RETREG1: variants seen among roughly 807,000 people sequenced by gnomAD.
The protein encoded by RETREG1 is reticulophagy regulator 1, also known as family with sequence similarity 134 member B.
RETREG1 carries 44 observed loss-of-function variants against 54.8 expected under a neutral mutation model. That is an observed-to-expected ratio of 0.80 (90% CI 0.63 to 1.03). RETREG1 has a LOEUF of 1.03. Among genes scored for constraint, RETREG1 ranks in the 50% least tolerant of loss-of-function variants. The probability of loss-of-function intolerance (pLI) is 0.00; values close to 1 mark genes in which losing one functional copy is unlikely to be tolerated. For missense variants in RETREG1, 554 were observed against 605.1 expected (o/e 0.92, Z 0.89); for synonymous variants, 217 against 238.5 (o/e 0.91, Z 0.83).
At chr5:16,535,823 C>G (rs7709007) in intron 3 of RETREG1, among the ~76,000 whole-genome samples, 2 of 130,528 alleles carry the variant, frequency 1.5e-5, no homozygotes, top group Admixed American at 7.7e-5. Context: ...GCTGCCTTCA[C>G]GAAGTGGGAG....
chr5:16,527,209 G>A (rs1740742082), intron 3 of RETREG1, among the ~76,000 whole-genome samples: 1 of 152,190 alleles, frequency 6.6e-6, no homozygotes, highest in South Asian at 2.1e-4. Context: ...AAGTCACTTG[G>A]CCAAAATCAC....
At chr5:16,589,192 G>C (rs905212271) in intron 1 of RETREG1, among the ~76,000 whole-genome samples, 1 of 152,164 alleles carries the variant, frequency 6.6e-6, no homozygotes, top group African/African-American at 2.4e-5. Context: ...GATGCGGACT[G>C]TTGTCCCAGT....
In RETREG1 at chr5:16,593,427, T is replaced by A. The variant is rs1282141577; in HGVS notation, c.321-21325A>T. On this transcript the variant is annotated intron_variant, in intron 1 of 8. Transcript: ENST00000306320. This position sits in a 1 kb window ranked among gnomAD's most constrained non-coding sequence, Gnocchi z 4.9. The stretch of plus-strand genomic sequence containing the variant: ...CCAATCACAGGCACTCAATAAATAC[T>A]TTTTTGTTTGCTGTTGCTCATTCAG... Among the ~76,000 whole-genome samples the A allele has an allele frequency of 6.6e-6, 1 of 152,190 alleles. No individual in the cohort carries two copies. Among genetic ancestry groups the A allele is most frequent in the Non-Finnish European group, 1.5e-5 (1 of 68,026 alleles).
At position 16,480,705 on chromosome 5, in the gene RETREG1, C is replaced by T. The variant is rs189619262; in HGVS notation, c.670+304G>A. Among the ~76,000 whole-genome samples the T allele has an allele frequency of 7.6e-4, 116 of 152,146 alleles. 1 individual carries two copies. The highest frequency in any genetic ancestry group is 2.6e-3 in the African/African-American group (106 of 41,522). The stretch of plus-strand genomic sequence containing the variant: ...ATTTTTTTGAGCCAAAGAACACGCA[C>T]GAAGGCAAAGGTGTTGGTGTGTTTT... On this transcript the variant is annotated intron_variant, in intron 5 of 8. Transcript: ENST00000306320.
At chr5:16,563,806 CT>C (rs1448402103) in intron 3 of RETREG1, among the ~76,000 whole-genome samples, 1 of 151,808 alleles carries the variant, frequency 6.6e-6, no homozygotes, top group African/African-American at 2.4e-5. Flanking sequence ...AAATATAAAT[CT>C]TTTTTTTCCA....
At chr5:16,577,965 G>A (rs780689296) in intron 1 of RETREG1, among the ~76,000 whole-genome samples, 6 of 152,124 alleles carry the variant, frequency 3.9e-5, no homozygotes, top group Admixed American at 1.3e-4. Flanking sequence ...ACCGAGTGTC[G>A]AGTATGTCTT....
intron 3 of RETREG1, among the ~76,000 whole-genome samples, chr5:16,538,004 T>C (rs1305612219): frequency 6.6e-6 from 1 of 152,132 alleles, no homozygotes; most frequent in Non-Finnish European, 1.5e-5. Flanking sequence ...TCAGCTTAGC[T>C]CAGTCCCTTC....
Position 16,573,737 on chromosome 5 carries a change from T to TTG in RETREG1, c.321-1636_321-1635insCA, listed in dbSNP as rs1470075143. Among the ~76,000 whole-genome samples, 136 of 142,502 alleles carry TTG rather than the reference T, an allele frequency of 9.5e-4. 1 individual carries two copies. Among genetic ancestry groups the TTG allele is most frequent in the Admixed American group, 2.0e-3 (28 of 14,068 alleles). 93.5% of individuals were successfully genotyped at this position (142,502 alleles called of 152,430 possible). A position where few individuals can be genotyped will look rare whatever the true frequency, so the allele number is the denominator to read the frequency against. ...TAATTGGTTTTTTGGGTTTGTTTGT[T>TTG]TTTTGTTTTTTTTTTTTTTTTTTTG... is the stretch of plus-strand genomic sequence containing the variant. On this transcript the variant is annotated intron_variant, in intron 1 of 8. Coordinates refer to ENST00000306320, the MANE Select transcript of RETREG1 (RefSeq NM_001034850.3).
chr5:16,571,407 A>G (rs983309012), intron 2 of RETREG1, among the ~76,000 whole-genome samples: 2 of 152,222 alleles, frequency 1.3e-5, no homozygotes, highest in Non-Finnish European at 2.9e-5. Flanking sequence ...TACAAAAACT[A>G]GCTCGAACAG....
chr5:16,539,018 G>A (rs1284513100), intron 3 of RETREG1, among the ~76,000 whole-genome samples: 4 of 152,180 alleles, frequency 2.6e-5, no homozygotes, highest in Non-Finnish European at 4.4e-5. Context: ...CTAGGCTGTC[G>A]GAATCTGTTA....
chr5:16,548,970 G>A (rs1467165997), intron 3 of RETREG1, among the ~76,000 whole-genome samples: 7 of 152,190 alleles, frequency 4.6e-5, no homozygotes, highest in African/African-American at 1.7e-4. Flanking sequence ...TCTAGGTGGT[G>A]AGTACCAGCA....
At chr5:16,607,372 G>A (rs956223024) in intron 1 of RETREG1, among the ~76,000 whole-genome samples, 35 of 151,938 alleles carry the variant, frequency 2.3e-4, no homozygotes, top group Admixed American at 4.6e-4. Context: ...GTGGTGGCTC[G>A]GCTGGCCAAG....
At chr5:16,546,578 AT>A (rs1741394125) in intron 3 of RETREG1, among the ~76,000 whole-genome samples, 1 of 152,268 alleles carries the variant, frequency 6.6e-6, no homozygotes, top group African/African-American at 2.4e-5. Context: ...ACACATGCTT[AT>A]AACAGGTGGT....
At chr5:16,582,009 G>T (rs1256009191) in intron 1 of RETREG1, among the ~76,000 whole-genome samples, 3 of 152,132 alleles carry the variant, frequency 2.0e-5, no homozygotes, top group Non-Finnish European at 4.4e-5. Flanking sequence ...TATCTGAAAA[G>T]CGTATTTCAA....
chr5:16,601,369 A>C (rs111424144), intron 1 of RETREG1, among the ~76,000 whole-genome samples: 1 of 73,912 alleles, frequency 1.4e-5, no homozygotes, highest in Non-Finnish European at 3.9e-5. Flanking sequence ...AAAGAGGAAA[A>C]AAAACAAAGA....
chr5:16,554,439 G>T (rs1263800599), intron 3 of RETREG1, among the ~76,000 whole-genome samples: 1 of 152,178 alleles, frequency 6.6e-6, no homozygotes. Context: ...CCTGCAGAGT[G>T]CTGGTTGTCA....
At chr5:16,578,035 G>C (rs531675960) in intron 1 of RETREG1, among the ~76,000 whole-genome samples, 1 of 152,148 alleles carries the variant, frequency 6.6e-6, no homozygotes, top group South Asian at 2.1e-4. Flanking sequence ...CTGTTATTAT[G>C]AACTCAAGAG....
chr5:16,479,617 T>C (rs745815818), intron 5 of RETREG1, among the ~76,000 whole-genome samples: 8 of 152,150 alleles, frequency 5.3e-5, no homozygotes, highest in Non-Finnish European at 1.2e-4. Flanking sequence ...GCTGATGTTA[T>C]ATATGACTTC....
In RETREG1 at chr5:16,555,312, C is replaced by T. The variant is rs543841972; in HGVS notation, c.458+10451G>A. Reference sequence around the variant, plus strand: ...GACTACAGGCGTGAACCAACACACTCGGCTACATTTCTGTATTTTAGTAGA... The same window carrying T: ...GACTACAGGCGTGAACCAACACACTTGGCTACATTTCTGTATTTTAGTAGA... On this transcript the variant is annotated intron_variant, in intron 3 of 8. Transcript: ENST00000306320. Among the ~76,000 whole-genome samples the T allele has an allele frequency of 5.3e-5, 8 of 152,188 alleles. No individual in the cohort carries two copies. In the East Asian group the frequency reaches 7.7e-4, roughly 15 times the overall value.
Sources: gnomAD v4.1 joint callset for allele counts (sites outside exome capture counted in the v4.1 genomes callset) on GRCh38, gnomAD v4.1.1 for gene constraint, Gnocchi (gnomAD v3.1) non-coding constraint, MANE v1.5 for transcripts, NCBI Gene and HGNC (gene_info 2026-07-23, HGNC 2026-07-21) for gene names.